The following CTNND2 variants were observed in gnomAD, a reference collection of about 807,000 sequenced individuals.
CTNND2 encodes catenin delta 2.
In CTNND2, 22 loss-of-function variants were observed where a neutral mutation model predicts 144.4. The observed-to-expected ratio is 0.15, with a 90% CI of 0.11 to 0.22. The LOEUF is 0.22. Ranked by LOEUF, CTNND2 falls within the 10% of genes least tolerant of loss-of-function variation. The probability of loss-of-function intolerance (pLI) is 1.00; values close to 1 mark genes in which losing one functional copy is unlikely to be tolerated. For synonymous variants in CTNND2, 751 were observed against 695.6 expected (o/e 1.08, Z -1.25); for missense variants, 1,353 against 1,618.8 (o/e 0.84, Z 2.82).
chr5:11,308,162 G>A (rs1750450268), intron 9 of CTNND2, among the ~76,000 whole-genome samples: 2 of 152,034 alleles, frequency 1.3e-5, no homozygotes, highest in African/African-American at 2.4e-5. Flanking sequence ...GCCCAACTGG[G>A]CTGGGACAGT....
At chr5:11,864,149 C>T (rs147461202) in intron 1 of CTNND2, among the ~76,000 whole-genome samples, 238 of 152,202 alleles carry the variant, frequency 1.6e-3, no homozygotes, top group African/African-American at 5.5e-3. Flanking sequence ...CTCCCCACAA[C>T]GAAAGGCAGG....
At chr5:11,133,289 C>T (rs1259319036) in intron 12 of CTNND2, among the ~76,000 whole-genome samples, 1 of 152,064 alleles carries the variant, frequency 6.6e-6, no homozygotes, top group Middle Eastern at 3.2e-3. Context: ...ATGCACCTTA[C>T]TGTCTTCTCC....
intron 21 of CTNND2, among the ~76,000 whole-genome samples, chr5:10,975,678 A>G (rs1026359036): frequency 1.9e-4 from 29 of 152,240 alleles, no homozygotes; most frequent in Admixed American, 1.6e-3. Context: ...ACAGGCCTCA[A>G]GGAGCTGACT....
At chr5:11,366,163 T>C (rs1048066288) in intron 7 of CTNND2, among the ~76,000 whole-genome samples, 1 of 152,206 alleles carries the variant, frequency 6.6e-6, no homozygotes, top group African/African-American at 2.4e-5. Flanking sequence ...TGCTGGATGT[T>C]AGGTCTGTTT....
chr5:11,127,357 G>A (rs535843434), intron 12 of CTNND2, among the ~76,000 whole-genome samples: 84 of 152,296 alleles, frequency 5.5e-4, no homozygotes, highest in South Asian at 1.5e-3. Flanking sequence ...GTAGTTCCAC[G>A]GCAGGTGGAA....
intron 3 of CTNND2, among the ~76,000 whole-genome samples, chr5:11,472,942 C>T (rs191039621): frequency 6.6e-6 from 1 of 152,112 alleles, no homozygotes; most frequent in East Asian, 1.9e-4. Context: ...GGCATGGTGG[C>T]GCATGCCTGT....
At chr5:10,974,770 A>G (rs1579912694) in intron 21 of CTNND2, among the ~76,000 whole-genome samples, 1 of 152,356 alleles carries the variant, frequency 6.6e-6, no homozygotes, top group East Asian at 1.9e-4. Context: ...TTCAGCACGG[A>G]AACGTTCTCT....
intron 18 of CTNND2, among the ~76,000 whole-genome samples, chr5:11,004,447 T>G (rs1406802225): frequency 3.9e-5 from 6 of 152,206 alleles, no homozygotes; most frequent in African/African-American, 1.4e-4. Flanking sequence ...CTTCAAGTTC[T>G]CTATATTCCA....
Position 11,272,778 on chromosome 5 carries a change from G to A in CTNND2, c.1629-35955C>T, listed in dbSNP as rs1376852266. On this transcript the variant is annotated intron_variant, in intron 9 of 21. Transcript: ENST00000304623. ...GGCGACTTTACTAAAATATATTAGG[G>A]CAAAGTATCTACTTTTATAATTCAG... Among the ~76,000 whole-genome samples, 6 of 152,204 alleles carry A rather than the reference G, an allele frequency of 3.9e-5. No individual in the cohort carries two copies. In the East Asian group the frequency reaches 9.7e-4, roughly 24 times the overall value.
chr5:11,902,149 T>A lies in CTNND2; in HGVS notation c.37+1668A>T, dbSNP rs1737950762. Among the ~76,000 whole-genome samples the A allele has an allele frequency of 2.0e-5, 3 of 152,320 alleles. No homozygotes were observed. The South Asian group carries it at 6.2e-4, about 32-fold the overall frequency. The stretch of plus-strand genomic sequence containing the variant: ...CCAAATTTCAACACTTAACTCCGAA[T>A]GTAATCGTCTTCCTTCAAGCCCTGA... On this transcript the variant is annotated intron_variant, in intron 1 of 21. Transcript: ENST00000304623.
intron 3 of CTNND2, among the ~76,000 whole-genome samples, chr5:11,492,298 C>T (rs7709719): frequency 0.14 from 21,094 of 152,136 alleles, 1,551 homozygotes; most frequent in Middle Eastern, 0.28. Context: ...CTGGTGTTCT[C>T]GCCTTTACAA....
chr5:11,721,324 AC>A (rs1786664740), intron 2 of CTNND2, among the ~76,000 whole-genome samples: 1 of 152,180 alleles, frequency 6.6e-6, no homozygotes, highest in Non-Finnish European at 1.5e-5. Flanking sequence ...CTATACCAAA[AC>A]CACATAAAAA....
At chr5:11,844,027 T>C (rs1259328694) in intron 1 of CTNND2, among the ~76,000 whole-genome samples, 1 of 152,188 alleles carries the variant, frequency 6.6e-6, no homozygotes, top group African/African-American at 2.4e-5. Flanking sequence ...TGAGTCCCAG[T>C]TGTCATCAAG....
At chr5:11,662,768 G>A (rs1233974808) in intron 2 of CTNND2, among the ~76,000 whole-genome samples, 1 of 152,100 alleles carries the variant, frequency 6.6e-6, no homozygotes, top group African/African-American at 2.4e-5. Flanking sequence ...TCTATGAGAT[G>A]GGACAGTTTG....
chr5:11,874,726 A>AT (rs1222915212), intron 1 of CTNND2, among the ~76,000 whole-genome samples: 1 of 152,174 alleles, frequency 6.6e-6, no homozygotes, highest in Non-Finnish European at 1.5e-5. Flanking sequence ...TATTTGTGTA[A>AT]TTTTCTATTT....
chr5:11,759,757 G>C (rs1244271422), intron 1 of CTNND2, among the ~76,000 whole-genome samples: 1 of 152,000 alleles, frequency 6.6e-6, no homozygotes, highest in Non-Finnish European at 1.5e-5. Flanking sequence ...ATTATTCTAA[G>C]CTCCTCCAGT....
chr5:11,326,086 G>A lies in CTNND2; in HGVS notation c.1628+20286C>T, dbSNP rs189125172. On this transcript the variant is annotated intron_variant, in intron 9 of 21. Coordinates refer to ENST00000304623, the MANE Select transcript of CTNND2 (RefSeq NM_001332.4). Reference sequence around the variant, plus strand: ...TTCATAGCTTCAACTGAAACCTGCTGAATATGTACACCAAGCCACCCTCCC... The same window carrying A: ...TTCATAGCTTCAACTGAAACCTGCTAAATATGTACACCAAGCCACCCTCCC... 8.5e-5 allele frequency among the ~76,000 whole-genome samples: 13 copies of A among 152,262 alleles called. No individual in the cohort carries two copies. The East Asian group carries it at 2.5e-3, about 29-fold the overall frequency.
chr5:11,813,999 C>T (rs528574209), intron 1 of CTNND2, among the ~76,000 whole-genome samples: 1 of 152,296 alleles, frequency 6.6e-6, no homozygotes, highest in South Asian at 2.1e-4. Context: ...CATGAAATTA[C>T]TAATAGAATG....
In CTNND2 at chr5:10,973,191, C is replaced by T. The variant is rs150100481; in HGVS notation, c.*262G>A. 17 of 385,592 alleles carry T rather than the reference C, an allele frequency of 4.4e-5. No homozygotes were observed. The highest frequency in any genetic ancestry group is 4.2e-4 in the Admixed American group (10 of 23,590). 23.9% of individuals were successfully genotyped at this position (385,592 alleles called of 1,614,324 possible). ...ACCACGTTCAGTATAAAGCACTTCT[C>T]GTTACTCTACAGCTCACGCTAGAAA... On this transcript the variant is annotated 3_prime_UTR_variant, in exon 22 of 22. Transcript: ENST00000304623. The surrounding 1 kb of genome is among the most constrained non-coding windows in gnomAD (Gnocchi z 5.6).
Sources: gnomAD v4.1 joint callset for allele counts (sites outside exome capture counted in the v4.1 genomes callset) on GRCh38, gnomAD v4.1.1 for gene constraint, Gnocchi (gnomAD v3.1) non-coding constraint, MANE v1.5 for transcripts, NCBI Gene and HGNC (gene_info 2026-07-23, HGNC 2026-07-21) for gene names.